Variants in ALMS1 observed in about 807,000 individuals in gnomAD.
ALMS1 encodes centrosome-associated protein ALMS1.
ALMS1 carries 271 observed loss-of-function variants against 352.2 expected under a neutral mutation model. That is an observed-to-expected ratio of 0.77 (90% confidence interval 0.70 to 0.85). The LOEUF (loss-of-function observed/expected upper bound fraction) is 0.85, where lower values mean the gene tolerates loss of function less well. Ranked by LOEUF, ALMS1 falls within the 40% of genes least tolerant of loss-of-function variation. The pLI is 0.00. For synonymous variants in ALMS1, 1,865 were observed against 1,761.2 expected (o/e 1.06, Z -1.48); for missense variants, 5,445 against 4,870.7 (o/e 1.12, Z -3.51).
intron 10 of ALMS1, among the ~76,000 whole-genome samples, chr2:73,503,487 C>T (rs1673258646): frequency 6.6e-6 from 1 of 152,166 alleles, no homozygotes; most frequent in African/African-American, 2.4e-5. Flanking sequence ...TTTTCTTAAT[C>T]CAGTCTATCG....
intron 2 of ALMS1, among the ~76,000 whole-genome samples, chr2:73,410,222 C>G (rs146889489): frequency 0.016 from 2,449 of 152,200 alleles, 65 homozygotes; most frequent in African/African-American, 0.056. Context: ...AACACTGTCT[C>G]TACTAAAAAT....
At position 73,602,272 on chromosome 2, in the gene ALMS1, C is replaced by G; in HGVS notation, c.12202C>G (p.Leu4068Val). ...GAAGTTAATAGTCCAGGAGAGGAAGCTGCAGAGCATGTTACAGACCGAGCG... is the reference window on the plus strand; with the variant it reads ...GAAGTTAATAGTCCAGGAGAGGAAGGTGCAGAGCATGTTACAGACCGAGCG... ...RLKLIVQERK[L>V]QSMLQTERDA... is the part of the protein sequence containing the mutation. The change falls in exon 20 of 23, where the codon CTG becomes GTG. Residue 4068 changes from leucine to valine, a missense_variant. Coordinates refer to ENST00000613296, the MANE Select transcript of ALMS1 (RefSeq NM_001378454.1). The G allele has an allele frequency of 1.2e-6, 2 of 1,614,202 alleles. No homozygotes were observed. The highest frequency in any genetic ancestry group is 1.7e-6 in the Non-Finnish European group (2 of 1,180,026).
chr2:73,385,858 G>C lies in ALMS1; in HGVS notation c.-11G>C. 3 of 723,144 alleles carry C rather than the reference G, an allele frequency of 4.1e-6. No homozygotes were observed. The highest frequency in any genetic ancestry group is 7.4e-6 in the Non-Finnish European group (3 of 404,664). 44.8% of individuals were successfully genotyped at this position (723,144 alleles called of 1,614,324 possible). ...CTCCTCCTCCTCTGCCGCCCAGAGC[G>C]AGACACCAACATGGAGCCCGAGGAT... On this transcript the variant is annotated 5_prime_UTR_variant, in exon 1 of 23. Transcript: ENST00000613296.
At chr2:73,551,061 G>A (rs987369065) in intron 13 of ALMS1, among the ~76,000 whole-genome samples, 1 of 152,036 alleles carries the variant, frequency 6.6e-6, no homozygotes, top group African/African-American at 2.4e-5. Flanking sequence ...GTCTCGCTAT[G>A]TTGCCTGGGC....
Position 73,477,032 on chromosome 2 carries a change from G to A in ALMS1, c.7675-12602G>A, listed in dbSNP as rs1408587438. ...TGTTAAGTGAAGACTTATTGTACATGATTTGCAAATATTTTCTCCCATTTT... is the reference window on the plus strand; with the variant it reads ...TGTTAAGTGAAGACTTATTGTACATAATTTGCAAATATTTTCTCCCATTTT... On this transcript the variant is annotated intron_variant, in intron 9 of 22. Coordinates refer to ENST00000613296, the MANE Select transcript of ALMS1 (RefSeq NM_001378454.1). Among the ~76,000 whole-genome samples, 3 of 152,070 alleles carry A rather than the reference G, an allele frequency of 2.0e-5. No homozygotes were observed. In the East Asian group the frequency reaches 5.8e-4, roughly 29 times the overall value.
chr2:73,424,632 A>G lies in ALMS1; in HGVS notation c.967A>G (p.Thr323Ala), dbSNP rs757887376. 1.2e-6 allele frequency: 2 copies of G among 1,613,904 alleles called. No individual in the cohort carries two copies. Among genetic ancestry groups the G allele is most frequent in the South Asian group, 2.2e-5 (2 of 91,084 alleles). Reference sequence around the variant, plus strand: ...TTCTGAACAAGGGAATAATGAAGAGACTATTTCGTCTGTTGATGAACTGAA... The same window carrying G: ...TTCTGAACAAGGGAATAATGAAGAGGCTATTTCGTCTGTTGATGAACTGAA... ...LPSEQGNNEE[T>A]ISSVDELKIP... is the part of the protein sequence containing the mutation. Residue 323 changes from threonine (T) to alanine (A), a missense_variant, in exon 5 of 23, where the codon ACT (threonine) becomes GCT (alanine). Physicochemically the swap from Thr to Ala is moderately conservative, Grantham distance 58. Coordinates refer to ENST00000613296, the MANE Select transcript of ALMS1 (RefSeq NM_001378454.1).
At chr2:73,531,628 T>G (rs918934065) in intron 11 of ALMS1, among the ~76,000 whole-genome samples, 1 of 152,250 alleles carries the variant, frequency 6.6e-6, no homozygotes, top group African/African-American at 2.4e-5. Flanking sequence ...CAGGTTATCT[T>G]TATAGCAGTG....
intron 12 of ALMS1, among the ~76,000 whole-genome samples, chr2:73,538,706 G>A (rs1259038881): frequency 1.3e-5 from 2 of 152,140 alleles, no homozygotes; most frequent in Non-Finnish European, 2.9e-5. Flanking sequence ...CTTTTCCAAC[G>A]GGCTTAAAAA....
chr2:73,503,216 T>C (rs1476497474), intron 10 of ALMS1, among the ~76,000 whole-genome samples: 1 of 152,114 alleles, frequency 6.6e-6, no homozygotes, highest in Non-Finnish European at 1.5e-5. Context: ...TCATTTAGCA[T>C]TAGGTATATC....
At chr2:73,593,347 A>C (rs1485860736) in intron 16 of ALMS1, among the ~76,000 whole-genome samples, 1 of 152,156 alleles carries the variant, frequency 6.6e-6, no homozygotes, top group Non-Finnish European at 1.5e-5. Context: ...CCAGCTTTAG[A>C]GTAGTGCTCC....
At chr2:73,501,604 C>T (rs1390224892) in intron 10 of ALMS1, among the ~76,000 whole-genome samples, 1 of 151,878 alleles carries the variant, frequency 6.6e-6, no homozygotes, top group East Asian at 1.9e-4. Context: ...AATTAGTTGG[C>T]CTTATATGTG....
chr2:73,394,252 T>C (rs991011106), intron 1 of ALMS1, among the ~76,000 whole-genome samples: 1 of 152,238 alleles, frequency 6.6e-6, no homozygotes, highest in Non-Finnish European at 1.5e-5. Flanking sequence ...AATTTTAGAT[T>C]AGCTTGTCAG....
intron 21 of ALMS1, among the ~76,000 whole-genome samples, chr2:73,607,137 A>G (rs903668764): frequency 6.6e-6 from 1 of 152,240 alleles, no homozygotes; most frequent in Admixed American, 6.5e-5. Flanking sequence ...GGAATTTTGC[A>G]GAGACCTGCA....
At position 73,572,721 on chromosome 2, in the gene ALMS1, C is replaced by T; in HGVS notation, c.10844C>T (p.Pro3615Leu). Reference protein sequence around the residue: ...YRERQRQQRQPELGDRKELSL... With the variant: ...YRERQRQQRQLELGDRKELSL... ...GAGCGACAGAGGCAACAGAGACAGC[C>T]TGAGTTGGGTGACAGGAAAGAACTG... The change falls in exon 16 of 23, where the codon CCT becomes CTT. Residue 3615 changes from proline to leucine, a missense_variant. Coordinates refer to ENST00000613296, the MANE Select transcript of ALMS1 (RefSeq NM_001378454.1). 2 of 1,614,028 alleles carry T rather than the reference C, an allele frequency of 1.2e-6. No homozygotes were observed. The highest frequency in any genetic ancestry group is 1.3e-5 in the African/African-American group (1 of 75,024).
chr2:73,596,494 C>G lies in ALMS1; in HGVS notation c.11548-2907C>G, dbSNP rs1378076412. On this transcript the variant is annotated intron_variant, in intron 16 of 22. Transcript: ENST00000613296. ...CTTTTTTTTTTTTTTTTTCTTAAGACGGAGTCTCACTCTGTCATCAAGGCG... is the reference window on the plus strand; with the variant it reads ...CTTTTTTTTTTTTTTTTTCTTAAGAGGGAGTCTCACTCTGTCATCAAGGCG... 4.2e-5 allele frequency among the ~76,000 whole-genome samples: 6 copies of G among 142,764 alleles called. No homozygotes were observed. In the Admixed American group the frequency reaches 4.4e-4, roughly 10 times the overall value. 93.7% of individuals were successfully genotyped at this position (142,764 alleles called of 152,430 possible). A position where few individuals can be genotyped will look rare whatever the true frequency, so the allele number is the denominator to read the frequency against.
At position 73,601,231 on chromosome 2, in the gene ALMS1, C is replaced by G. The variant is rs751208239; in HGVS notation, c.11909C>G (p.Ser3970Cys). 6.2e-7 allele frequency: 1 copy of G among 1,614,168 alleles called. No homozygotes were observed. The highest frequency in any genetic ancestry group is 1.1e-5 in the South Asian group (1 of 91,042). ...SWFVPVENVESRSKKENVPNT... is the reference protein window; with the variant it reads ...SWFVPVENVECRSKKENVPNT... ...TTTGTTCCTGTGGAAAATGTGGAGT[C>G]TAGATCAAAGAAGGAAAACGTGCCT... Residue 3970 changes from serine to cysteine, a missense_variant, in exon 19 of 23, where the codon TCT becomes TGT. Physicochemically the swap from Ser to Cys is moderately radical, Grantham distance 112 (BLOSUM62 -1). Coordinates refer to ENST00000613296, the MANE Select transcript of ALMS1 (RefSeq NM_001378454.1).
chr2:73,510,102 T>A (rs952255893), intron 10 of ALMS1, among the ~76,000 whole-genome samples: 12 of 152,224 alleles, frequency 7.9e-5, no homozygotes, highest in African/African-American at 2.9e-4. Flanking sequence ...CTGGTTATTC[T>A]AGTTAGCAAT....
At chr2:73,446,586 A>G (rs921497325) in intron 7 of ALMS1, among the ~76,000 whole-genome samples, 2 of 152,040 alleles carry the variant, frequency 1.3e-5, no homozygotes, top group African/African-American at 2.4e-5. Context: ...TCACTCCTCA[A>G]CCCATTTCAT....
chr2:73,532,439 G>A (rs1025710727), intron 11 of ALMS1, among the ~76,000 whole-genome samples: 14 of 152,192 alleles, frequency 9.2e-5, no homozygotes, highest in African/African-American at 3.4e-4. Context: ...TGGCATCCAT[G>A]CCACAAGACA....
Sources: gnomAD v4.1 joint callset for allele counts (sites outside exome capture counted in the v4.1 genomes callset) on GRCh38, gnomAD v4.1.1 for gene constraint, MANE v1.5 for transcripts, NCBI Gene and HGNC (gene_info 2026-07-23, HGNC 2026-07-21) for gene names.